Variants in ASPH observed in about 807,000 individuals in gnomAD.
The protein encoded by ASPH is aspartyl/asparaginyl beta-hydroxylase.
In ASPH, 100 loss-of-function variants were observed where a neutral mutation model predicts 118.4. The observed-to-expected ratio is 0.84, with a 90% CI of 0.72 to 1.00. ASPH has a LOEUF of 1.00. Among genes scored for constraint, ASPH ranks in the 50% least tolerant of loss-of-function variants. The pLI, the probability that ASPH is intolerant of heterozygous loss-of-function variation, is 0.00. For missense variants in ASPH, 920 were observed against 919.5 expected (o/e 1.00, Z -0.01); for synonymous variants, 315 against 325.6 (o/e 0.97, Z 0.35).
At chr8:61,523,586 G>A (rs572639915) in intron 22 of ASPH, among the ~76,000 whole-genome samples, 1 of 151,632 alleles carries the variant, frequency 6.6e-6, no homozygotes, top group East Asian at 1.9e-4. Context: ...CAAAGTGTTG[G>A]GATTACAGTC....
chr8:61,630,865 A>T (rs1242000852), intron 13 of ASPH, among the ~76,000 whole-genome samples: 1 of 152,236 alleles, frequency 6.6e-6, no homozygotes, highest in Non-Finnish European at 1.5e-5. Context: ...GGAGGTATCC[A>T]GAAGTCATTG....
intron 14 of ASPH, among the ~76,000 whole-genome samples, chr8:61,605,197 T>A (rs1350890064): frequency 6.6e-6 from 1 of 152,234 alleles, no homozygotes; most frequent in Non-Finnish European, 1.5e-5. Flanking sequence ...TGGAATGTCA[T>A]GTGGATAAAG....
chr8:61,699,326 T>C (rs552465723), intron 1 of ASPH, among the ~76,000 whole-genome samples: 1 of 152,360 alleles, frequency 6.6e-6, no homozygotes, highest in East Asian at 1.9e-4. Flanking sequence ...ACCACACTTC[T>C]GTAGAATAGT....
intron 14 of ASPH, among the ~76,000 whole-genome samples, chr8:61,592,150 C>T (rs1395846531): frequency 6.6e-6 from 1 of 151,992 alleles, no homozygotes; most frequent in South Asian, 2.1e-4. Flanking sequence ...TTTTCATCCA[C>T]GAAATGGGGA....
intron 18 of ASPH, among the ~76,000 whole-genome samples, chr8:61,556,837 C>T (rs1828048062): frequency 6.6e-6 from 1 of 151,932 alleles, no homozygotes; most frequent in Non-Finnish European, 1.5e-5. Context: ...TTCTCTCCAT[C>T]CTTGAGACTG....
At chr8:61,669,296 T>C (rs1821231956) in intron 3 of ASPH, among the ~76,000 whole-genome samples, 1 of 152,222 alleles carries the variant, frequency 6.6e-6, no homozygotes. Flanking sequence ...GCAATTTGTA[T>C]CTATCAATTG....
chr8:61,545,842 TC>T (rs1823643275), intron 21 of ASPH, among the ~76,000 whole-genome samples: 1 of 152,310 alleles, frequency 6.6e-6, no homozygotes, highest in African/African-American at 2.4e-5. Flanking sequence ...AAGAATAATC[TC>T]ATATCCCCCT....
rs1381242657 is a variant in ASPH at position 61,500,743 on chromosome 8, G to GTAT, written c.*2613_*2615dup. 7 of 152,096 alleles carry GTAT rather than the reference G, an allele frequency of 4.6e-5. No individual in the cohort carries two copies. The highest frequency in any genetic ancestry group is 2.1e-4 in the South Asian group (1 of 4,818). 9.4% of individuals were successfully genotyped at this position (152,096 alleles called of 1,614,324 possible). ...TCGCCCAGCCATCTGCATGACATGG[G>GTAT]TATTTATTAGTATTACCAGTTGGTG... On this transcript the variant is annotated 3_prime_UTR_variant, in exon 25 of 25. Transcript: ENST00000379454.
chr8:61,503,349 TG>T lies in ASPH; in HGVS notation c.*9del, dbSNP rs1210742912. ...CTCTCCAGAGTTTCCCAAGCTTGCA[TG>T]AATTCATGCTAAATTGCTGGAAGGC... On this transcript the variant is annotated 3_prime_UTR_variant, in exon 25 of 25. Coordinates refer to ENST00000379454, the MANE Select transcript of ASPH (RefSeq NM_004318.4). 6.3e-7 allele frequency: 1 copy of T among 1,599,718 alleles called. No individual in the cohort carries two copies. Among genetic ancestry groups the T allele is most frequent in the African/African-American group, 1.3e-5 (1 of 74,568 alleles).
intron 24 of ASPH, among the ~76,000 whole-genome samples, chr8:61,506,337 G>A (rs899178721): frequency 6.6e-6 from 1 of 152,108 alleles, no homozygotes; most frequent in Non-Finnish European, 1.5e-5. Context: ...GGACGGGAAT[G>A]GGAGTTATTT....
At chr8:61,566,151 A>C (rs1173526812) in intron 17 of ASPH, among the ~76,000 whole-genome samples, 2 of 152,208 alleles carry the variant, frequency 1.3e-5, no homozygotes, top group Non-Finnish European at 2.9e-5. Context: ...TAGACTTTTA[A>C]GTTCTATTAT....
At chr8:61,558,376 G>C (rs944528578) in intron 18 of ASPH, among the ~76,000 whole-genome samples, 2 of 152,220 alleles carry the variant, frequency 1.3e-5, no homozygotes, top group African/African-American at 4.8e-5. Context: ...AAGCAAAAGA[G>C]AATGTTGTTA....
rs1554713767 is a variant in ASPH, at chr8:61,644,634, T to C, written c.620-2A>G. 1 of 1,585,304 alleles carries C rather than the reference T, an allele frequency of 6.3e-7. No individual in the cohort carries two copies. Among genetic ancestry groups the C allele is most frequent in the South Asian group, 1.2e-5 (1 of 85,030 alleles). On this transcript the variant is annotated splice_acceptor_variant, in intron 6 of 24. Coordinates refer to ENST00000379454, the MANE Select transcript of ASPH (RefSeq NM_004318.4). LOFTEE classifies it high-confidence loss of function. Reference sequence around the variant, plus strand: ...CCACGTGGTAACTATGCTCGGTTTCTGGAAAAAAAAAAATTAGATTGATAT... The same window carrying C: ...CCACGTGGTAACTATGCTCGGTTTCCGGAAAAAAAAAAATTAGATTGATAT...
chr8:61,633,343 G>T (rs1175657137), intron 13 of ASPH: 1 of 182,402 alleles, frequency 5.5e-6, no homozygotes, highest in Non-Finnish European at 1.1e-5. Flanking sequence ...TTCATCCCAA[G>T]GCAATTCTGA....
intron 3 of ASPH, chr8:61,676,164 T>TTTCTTCTTC (rs573164897): frequency 6.3e-7 from 1 of 1,598,964 alleles, no homozygotes; most frequent in African/African-American, 1.3e-5. Flanking sequence ...GCGGTTTCGC[T>TTTCTTCTTC]TTCTTCTTCT....
chr8:61,679,468 G>T (rs1235039054), intron 3 of ASPH, among the ~76,000 whole-genome samples: 1 of 152,012 alleles, frequency 6.6e-6, no homozygotes, highest in Non-Finnish European at 1.5e-5. Flanking sequence ...GTAATAGTTT[G>T]CTATAGAAAT....
At chr8:61,676,228 A>G in intron 3 of ASPH, 1 of 1,596,818 alleles carries the variant, frequency 6.3e-7, no homozygotes, top group Non-Finnish European at 8.5e-7. Flanking sequence ...ATGAGAGGAA[A>G]CCATAAAACC....
chr8:61,546,087 T>C (rs865781854), intron 21 of ASPH, among the ~76,000 whole-genome samples: 50 of 152,288 alleles, frequency 3.3e-4, no homozygotes, highest in African/African-American at 9.1e-4. Context: ...CAGAAGGCCA[T>C]TTACGGCTGG....
chr8:61,531,650 A>G (rs561127787), intron 21 of ASPH, among the ~76,000 whole-genome samples: 2 of 152,186 alleles, frequency 1.3e-5, no homozygotes, highest in Admixed American at 6.6e-5. Flanking sequence ...GTTGATATAC[A>G]TCTTATAACT....
Sources: allele counts gnomAD v4.1 joint callset (sites outside exome capture counted in the v4.1 genomes callset), GRCh38; gene constraint gnomAD v4.1.1; transcripts MANE v1.5; gene names NCBI Gene and HGNC (gene_info 2026-07-23, HGNC 2026-07-21).